NCAM2: variants seen among roughly 807,000 people sequenced by gnomAD.
NCAM2 encodes the protein N-CAM-2.
In NCAM2, 30 loss-of-function variants were observed where a neutral mutation model predicts 98.1. The ratio of observed to expected loss-of-function variants is 0.31; its 90% CI spans 0.23 to 0.41. NCAM2 has a LOEUF of 0.41. Among genes scored for constraint, NCAM2 ranks in the 10% least tolerant of loss-of-function variants. The pLI is 1.00. For synonymous variants in NCAM2, 368 were observed against 342.4 expected, an observed-to-expected ratio of 1.07 and a Z score of -0.83; for missense variants, 867 against 1,005.8, an observed-to-expected ratio of 0.86 and a Z score of 1.87.
At position 21,494,651 on chromosome 21, in the gene NCAM2, T is replaced by C. The variant is rs1231162208; in HGVS notation, c.2078-14200T>C. On this transcript the variant is annotated intron_variant, in intron 15 of 17. Transcript: ENST00000400546. ...CAAAAGAAGAGGTTCAACTGGATAGTTAAAGAACACAAAAGATATTTTATA... is the reference window on the plus strand; with the variant it reads ...CAAAAGAAGAGGTTCAACTGGATAGCTAAAGAACACAAAAGATATTTTATA... Among the ~76,000 whole-genome samples, 5 of 151,708 alleles carry C rather than the reference T, an allele frequency of 3.3e-5. No homozygotes were observed. In the East Asian group the frequency reaches 7.7e-4, roughly 23 times the overall value.
At chr21:21,142,626 G>A (rs560900291) in intron 1 of NCAM2, among the ~76,000 whole-genome samples, 92 of 152,072 alleles carry the variant, frequency 6.0e-4, no homozygotes, top group African/African-American at 1.3e-3. Flanking sequence ...TGATCCGCCC[G>A]CCTAGGCCTC....
chr21:21,485,559 G>T (rs1367187084), intron 15 of NCAM2, among the ~76,000 whole-genome samples: 1 of 152,082 alleles, frequency 6.6e-6, no homozygotes, highest in Non-Finnish European at 1.5e-5. Context: ...TTTGGTCTTT[G>T]CAAATTTTCA....
chr21:21,340,626 G>A (rs1315795897), intron 8 of NCAM2, among the ~76,000 whole-genome samples: 2 of 151,904 alleles, frequency 1.3e-5, no homozygotes, highest in South Asian at 4.1e-4. Context: ...TAAGTCTATT[G>A]TATTTCTATT....
chr21:21,168,347 G>A (rs1406136879), intron 1 of NCAM2, among the ~76,000 whole-genome samples: 1 of 152,032 alleles, frequency 6.6e-6, no homozygotes, highest in Non-Finnish European at 1.5e-5. Context: ...CACCATACTT[G>A]GTGTTAAATT....
intron 9 of NCAM2, among the ~76,000 whole-genome samples, chr21:21,408,394 A>G (rs937682315): frequency 6.6e-6 from 1 of 152,206 alleles, no homozygotes; most frequent in Non-Finnish European, 1.5e-5. Context: ...AGTTTTTGTT[A>G]TTAAAATAAT....
At chr21:21,026,397 G>A (rs1040852450) in intron 1 of NCAM2, among the ~76,000 whole-genome samples, 1 of 152,120 alleles carries the variant, frequency 6.6e-6, no homozygotes, top group African/African-American at 2.4e-5. Context: ...GGTGGCTCAC[G>A]CCTGTAATCC....
chr21:21,355,327 C>A (rs1036813009), intron 8 of NCAM2, among the ~76,000 whole-genome samples: 2 of 150,086 alleles, frequency 1.3e-5, no homozygotes, highest in Non-Finnish European at 1.5e-5. Context: ...TCCAGCTACT[C>A]GGGACGGGGC....
chr21:21,098,569 C>A (rs555790143), intron 1 of NCAM2, among the ~76,000 whole-genome samples: 4 of 151,844 alleles, frequency 2.6e-5, no homozygotes, highest in African/African-American at 9.6e-5. Flanking sequence ...ATTTAGTGTT[C>A]ACATCTTCTC....
intron 1 of NCAM2, among the ~76,000 whole-genome samples, chr21:21,200,932 G>A (rs1047394979): frequency 1.3e-5 from 2 of 151,918 alleles, no homozygotes; most frequent in Non-Finnish European, 2.9e-5. Context: ...TATGTGTATA[G>A]ATCTTCTCCA....
At chr21:21,264,356 T>C (rs1047136924) in intron 1 of NCAM2, among the ~76,000 whole-genome samples, 6 of 151,912 alleles carry the variant, frequency 3.9e-5, no homozygotes, top group Non-Finnish European at 7.4e-5. Context: ...CAGATGTTGG[T>C]GAGGCTGAGA....
chr21:21,039,085 T>C (rs2064852787), intron 1 of NCAM2, among the ~76,000 whole-genome samples: 2 of 152,216 alleles, frequency 1.3e-5, no homozygotes, highest in African/African-American at 4.8e-5. Flanking sequence ...GTAGACTATA[T>C]GACATGTAGT....
At chr21:21,511,573 C>T (rs1988382782) in intron 16 of NCAM2, among the ~76,000 whole-genome samples, 1 of 151,706 alleles carries the variant, frequency 6.6e-6, no homozygotes, top group African/African-American at 2.4e-5. Context: ...GTACAAATAT[C>T]TCTTGATTTT....
intron 1 of NCAM2, among the ~76,000 whole-genome samples, chr21:21,253,365 A>G (rs1006456444): frequency 3.3e-5 from 5 of 152,096 alleles, no homozygotes; most frequent in South Asian, 4.1e-4. Context: ...GTCTTTTCCA[A>G]ATTCATGTGC....
chr21:21,220,428 C>A (rs897774119), intron 1 of NCAM2, among the ~76,000 whole-genome samples: 9 of 152,090 alleles, frequency 5.9e-5, no homozygotes, highest in African/African-American at 2.2e-4. Context: ...ATTTTGTAGT[C>A]TAGGGGAAAT....
chr21:21,476,294 A>G (rs745774615), intron 14 of NCAM2, among the ~76,000 whole-genome samples: 6 of 152,166 alleles, frequency 3.9e-5, no homozygotes, highest in Admixed American at 1.3e-4. Context: ...TTTCATTTCC[A>G]TACAGTTTTT....
chr21:21,122,025 G>A (rs995268615), intron 1 of NCAM2, among the ~76,000 whole-genome samples: 1 of 152,180 alleles, frequency 6.6e-6, no homozygotes, highest in African/African-American at 2.4e-5. Context: ...ATTCTGATGA[G>A]GATTTGGACT....
chr21:21,142,365 G>GA (rs1491299153), intron 1 of NCAM2, among the ~76,000 whole-genome samples: 1 of 120,540 alleles, frequency 8.3e-6, no homozygotes, highest in Non-Finnish European at 1.7e-5. Context: ...TTATTTGACC[G>GA]TTTTTTTTTA....
intron 1 of NCAM2, among the ~76,000 whole-genome samples, chr21:21,193,028 T>A (rs910104266): frequency 1.3e-5 from 2 of 152,190 alleles, no homozygotes; most frequent in Non-Finnish European, 2.9e-5. Flanking sequence ...TTCTTCAGAT[T>A]AACTTTTCTA....
chr21:21,496,838 C>T (rs1909581606), intron 15 of NCAM2, among the ~76,000 whole-genome samples: 1 of 152,008 alleles, frequency 6.6e-6, no homozygotes, highest in African/African-American at 2.4e-5. Context: ...TTGGGCTAGC[C>T]AGTTATCCCA....
Sources: gnomAD v4.1 joint callset for allele counts (sites outside exome capture counted in the v4.1 genomes callset) on GRCh38, gnomAD v4.1.1 for gene constraint, MANE v1.5 for transcripts, NCBI Gene and HGNC (gene_info 2026-07-23, HGNC 2026-07-21) for gene names.